LSM12: variants seen among roughly 807,000 people sequenced by gnomAD.
The protein encoded by LSM12 is protein LSM12.
For synonymous variants in LSM12, 74 were observed against 87.3 expected (o/e 0.85, Z 0.85); for missense variants, 108 against 238.9 (o/e 0.45, Z 3.61).
At chr17:44,054,441 T>C (rs891785467) in intron 2 of LSM12, among the ~76,000 whole-genome samples, 6 of 151,936 alleles carry the variant, frequency 3.9e-5, no homozygotes, top group Admixed American at 1.3e-4. Context: ...GTCTCCAAAG[T>C]AGCTGGGACC....
intron 2 of LSM12, among the ~76,000 whole-genome samples, chr17:44,060,420 CTCTAAT>C (rs1443562827): frequency 6.6e-6 from 1 of 152,202 alleles, no homozygotes; most frequent in African/African-American, 2.4e-5. Context: ...AAAAGGCTCT[CTCTAAT>C]TCTAAGTCAA....
At chr17:44,059,902 A>G (rs2144109564) in intron 2 of LSM12, among the ~76,000 whole-genome samples, 1 of 152,172 alleles carries the variant, frequency 6.6e-6, no homozygotes, top group Non-Finnish European at 1.5e-5. Flanking sequence ...TGGTGGCTCA[A>G]GCCTGTAATC....
At chr17:44,065,378 T>C (rs539738474) in intron 1 of LSM12, among the ~76,000 whole-genome samples, 1 of 148,908 alleles carries the variant, frequency 6.7e-6, no homozygotes, top group Admixed American at 6.8e-5. Context: ...GAGTCGGAGG[T>C]TGCAGTGAGC....
intron 1 of LSM12, among the ~76,000 whole-genome samples, chr17:44,065,818 A>G (rs2049865724): frequency 6.6e-6 from 1 of 151,996 alleles, no homozygotes; most frequent in African/African-American, 2.4e-5. Flanking sequence ...AACATCCCCT[A>G]AACAGCAACT....
intron 2 of LSM12, among the ~76,000 whole-genome samples, chr17:44,042,037 A>C (rs1206087460): frequency 6.6e-6 from 1 of 152,202 alleles, no homozygotes; most frequent in African/African-American, 2.4e-5. Flanking sequence ...CTATAATCCC[A>C]GTACTTTGTG....
intron 2 of LSM12, among the ~76,000 whole-genome samples, chr17:44,050,340 C>A (rs996625415): frequency 6.6e-6 from 1 of 151,800 alleles, no homozygotes; most frequent in Non-Finnish European, 1.5e-5. Context: ...GAACTCCTGA[C>A]CTCAGGTAAT....
intron 2 of LSM12, among the ~76,000 whole-genome samples, chr17:44,061,552 T>C (rs1040893579): frequency 2.0e-5 from 3 of 152,212 alleles, no homozygotes; most frequent in African/African-American, 7.2e-5. Flanking sequence ...ATGTGTGGCA[T>C]TTCCCTAGAA....
intron 2 of LSM12, among the ~76,000 whole-genome samples, chr17:44,057,026 C>T (rs377289977): frequency 1.3e-4 from 19 of 151,706 alleles, no homozygotes; most frequent in East Asian, 8.0e-4. Context: ...CGTGGTGGGG[C>T]GCACCTGTAC....
At position 44,034,642 on chromosome 17, in the gene LSM12, T is replaced by TA. The variant is rs1240719426; in HGVS notation, c.*1565dup. The TA allele has an allele frequency of 6.6e-6, 1 of 152,236 alleles. No homozygotes were observed. The highest frequency in any genetic ancestry group is 2.4e-5 in the African/African-American group (1 of 41,262). 9.4% of individuals were successfully genotyped at this position (152,236 alleles called of 1,614,324 possible). A position where few individuals can be genotyped will look rare whatever the true frequency, so the allele number is the denominator to read the frequency against. On this transcript the variant is annotated 3_prime_UTR_variant, in exon 5 of 5. Transcript: ENST00000293406. ...ACAAACCTGAGACATGAGTGATGGT[T>TA]AAAAAAATTTGGGTTTTATTGTTTT... is the stretch of plus-strand genomic sequence containing the variant.
intron 2 of LSM12, among the ~76,000 whole-genome samples, chr17:44,044,431 T>G (rs2049535093): frequency 6.6e-6 from 1 of 152,128 alleles, no homozygotes; most frequent in South Asian, 2.1e-4. Flanking sequence ...ATTCTCTATT[T>G]CAATTCTAAT....
chr17:44,048,016 TAAAC>T (rs1379972972), intron 2 of LSM12, among the ~76,000 whole-genome samples: 5 of 86,600 alleles, frequency 5.8e-5, no homozygotes, highest in African/African-American at 2.2e-4. Flanking sequence ...GTGTCCGTAT[TAAAC>T]ACACACACAC....
At chr17:44,041,272 T>C (rs1370878680) in intron 2 of LSM12, among the ~76,000 whole-genome samples, 1 of 23,224 alleles carries the variant, frequency 4.3e-5, no homozygotes, top group Non-Finnish European at 1.2e-4. Flanking sequence ...CTCTGTCTCT[T>C]TAAAAAAAAA....
chr17:44,062,760 C>T (rs1373012691), intron 2 of LSM12, among the ~76,000 whole-genome samples: 3 of 151,954 alleles, frequency 2.0e-5, no homozygotes, highest in Non-Finnish European at 2.9e-5. Flanking sequence ...CAGTGGCTCA[C>T]ACCTATAATC....
rs559751574 is a variant in LSM12, at chr17:44,047,616, G to A, written c.259-7360C>T. Among the ~76,000 whole-genome samples, 11 of 152,086 alleles carry A rather than the reference G, an allele frequency of 7.2e-5. No individual in the cohort carries two copies. The South Asian group carries it at 2.3e-3, about 32-fold the overall frequency. ...CTTGCTCTGTTGCCCAGGCTGGAGT[G>A]TACTGGCATAATCATGGCTCACTGC... is the stretch of plus-strand genomic sequence containing the variant. On this transcript the variant is annotated intron_variant, in intron 2 of 4. Coordinates refer to ENST00000293406, the MANE Select transcript of LSM12 (RefSeq NM_001371445.1).
Position 44,034,606 on chromosome 17 carries a change from CTGA to C in LSM12, c.*1599_*1601del, listed in dbSNP as rs2049396219. The C allele has an allele frequency of 6.6e-6, 1 of 152,420 alleles. No homozygotes were observed. The highest frequency in any genetic ancestry group is 1.5e-5 in the Non-Finnish European group (1 of 67,996). The allele number at this position is 152,420 out of a possible 1,614,324, so 9.4% of individuals were successfully genotyped here. On this transcript the variant is annotated 3_prime_UTR_variant, in exon 5 of 5. Transcript: ENST00000293406. ...CCTTGGATCCTCTCCCCTGGGGCCTCTGAAGGACGCACAAACCTGAGACATGAG... is the reference window on the plus strand; with the variant it reads ...CCTTGGATCCTCTCCCCTGGGGCCTCAGGACGCACAAACCTGAGACATGAG...
intron 2 of LSM12, among the ~76,000 whole-genome samples, chr17:44,042,495 G>A (rs540225393): frequency 2.6e-5 from 4 of 151,068 alleles, no homozygotes; most frequent in African/African-American, 9.7e-5. Flanking sequence ...CGCCTCCTGG[G>A]TTCAAGCGAT....
At chr17:44,054,352 C>T (rs1470105639) in intron 2 of LSM12, among the ~76,000 whole-genome samples, 1 of 152,172 alleles carries the variant, frequency 6.6e-6, no homozygotes, top group Non-Finnish European at 1.5e-5. Flanking sequence ...CACTCTGTCA[C>T]CCAGGCTGGA....
chr17:44,042,236 G>A (rs945759549), intron 2 of LSM12, among the ~76,000 whole-genome samples: 2 of 151,894 alleles, frequency 1.3e-5, no homozygotes, highest in East Asian at 3.9e-4. Flanking sequence ...GCAGTGAGCC[G>A]AGATTGTACC....
chr17:44,038,720 T>A (rs1162454701), intron 3 of LSM12, among the ~76,000 whole-genome samples: 6 of 152,174 alleles, frequency 3.9e-5, no homozygotes, highest in Admixed American at 3.9e-4. Flanking sequence ...TTATCACCCA[T>A]AATGGGAGCT....
Sources: gnomAD v4.1 joint callset for allele counts (sites outside exome capture counted in the v4.1 genomes callset) on GRCh38, gnomAD v4.1.1 for gene constraint, MANE v1.5 for transcripts, NCBI Gene and HGNC (gene_info 2026-07-23, HGNC 2026-07-21) for gene names.